PCDH11X: variants seen among roughly 807,000 people sequenced by gnomAD.
PCDH11X encodes the protein protocadherin-11 X-linked.
PCDH11X carries 18 observed loss-of-function variants against 53.3 expected under a neutral mutation model. The ratio of observed to expected loss-of-function variants is 0.34; its 90% CI spans 0.23 to 0.50. The LOEUF is 0.50. Ranked by LOEUF, PCDH11X falls within the 20% of genes least tolerant of loss-of-function variation. PCDH11X has a pLI of 0.98. For synonymous variants in PCDH11X, 279 were observed against 393.3 expected (o/e 0.71, Z 3.44); for missense variants, 570 against 1,032.4 (o/e 0.55, Z 6.14).
intron 8 of PCDH11X, among the ~76,000 whole-genome samples, chrX:92,341,673 A>AATAGGATGGT (rs2069763158): frequency 9.0e-6 from 1 of 111,173 alleles, no homozygotes; most frequent in African/African-American, 3.3e-5. Flanking sequence ...TTGCAAGGAC[A>AATAGGATGGT]ACACCAATAG....
chrX:92,107,544 C>G (rs933150869), intron 6 of PCDH11X, among the ~76,000 whole-genome samples: 2 of 111,647 alleles, frequency 1.8e-5, no homozygotes, highest in Non-Finnish European at 3.8e-5. Context: ...CTAGACCAGC[C>G]TGACCAACAT....
At position 92,581,369 on chromosome X, in the gene PCDH11X, A is replaced by G. The variant is rs180890377; in HGVS notation, c.3368-36895A>G. 1.6e-4 allele frequency among the ~76,000 whole-genome samples: 18 copies of G among 111,461 alleles called. No individual in the cohort carries two copies. The East Asian group carries it at 4.9e-3, about 30-fold the overall frequency. ...ACATGTTGTAGGAGTGACCCAGTGT[A>G]GGATAATTGAGTAACGGGGATAGCT... On this transcript the variant is annotated intron_variant, in intron 10 of 10. Coordinates refer to ENST00000682573, the MANE Select transcript of PCDH11X (RefSeq NM_032968.5).
Position 91,928,207 on chromosome X carries a change from C to T in PCDH11X, c.3033+48934C>T, listed in dbSNP as rs1045958353. Among the ~76,000 whole-genome samples, 32 of 107,856 alleles carry T rather than the reference C, an allele frequency of 3.0e-4. No homozygotes were observed. The Admixed American group carries it at 3.0e-3, about 10-fold the overall frequency. 93.7% of individuals were successfully genotyped at this position (107,856 alleles called of 115,157 possible). On this transcript the variant is annotated intron_variant, in intron 6 of 10. Transcript: ENST00000682573. ...CTCTCACTATGTATATAAAAAAGAC[C>T]AAGCTACTTATTTTGGGGTTTTGTA...
intron 10 of PCDH11X, among the ~76,000 whole-genome samples, chrX:92,586,708 A>AT (rs751881772): frequency 9.1e-6 from 1 of 109,363 alleles, no homozygotes; most frequent in Non-Finnish European, 1.9e-5. Flanking sequence ...ATCTTATGGT[A>AT]TTTTTTCCTA....
chrX:92,409,278 A>T (rs1462323140), intron 9 of PCDH11X, among the ~76,000 whole-genome samples: 1 of 111,786 alleles, frequency 8.9e-6, no homozygotes, highest in African/African-American at 3.3e-5. Context: ...ATGTTGTCAT[A>T]GTTCAGCAGA....
At chrX:92,239,180 A>G (rs1377080870) in intron 7 of PCDH11X, among the ~76,000 whole-genome samples, 1 of 111,782 alleles carries the variant, frequency 8.9e-6, no homozygotes, top group Non-Finnish European at 1.9e-5. Context: ...CTCAAGAAGC[A>G]AGAAGATGAA....
intron 8 of PCDH11X, among the ~76,000 whole-genome samples, chrX:92,294,694 A>T (rs994400575): frequency 8.1e-5 from 9 of 111,099 alleles, no homozygotes; most frequent in African/African-American, 2.9e-4. Context: ...TTCATAAATG[A>T]TTGTCCTGGA....
At chrX:92,269,512 C>G (rs1288627348) in intron 8 of PCDH11X, among the ~76,000 whole-genome samples, 1 of 110,951 alleles carries the variant, frequency 9.0e-6, no homozygotes, top group Non-Finnish European at 1.9e-5. Flanking sequence ...AATTTCCAGC[C>G]CTGAATTACC....
intron 8 of PCDH11X, among the ~76,000 whole-genome samples, chrX:92,380,778 A>G (rs2070858230): frequency 9.1e-6 from 1 of 109,869 alleles, no homozygotes; most frequent in Admixed American, 9.8e-5. Context: ...TAAGAAGTAT[A>G]TTTTTATACC....
intron 1 of PCDH11X, among the ~76,000 whole-genome samples, chrX:91,804,241 A>AT (rs1459519939): frequency 9.0e-6 from 1 of 111,540 alleles, no homozygotes; most frequent in East Asian, 2.8e-4. Context: ...TTTAATGGAA[A>AT]TTTTTTTTGG....
intron 6 of PCDH11X, among the ~76,000 whole-genome samples, chrX:91,886,396 G>C (rs1333099078): frequency 9.1e-6 from 1 of 110,415 alleles, no homozygotes; most frequent in Non-Finnish European, 1.9e-5. Flanking sequence ...ACAGTGTACT[G>C]TATACTTTCT....
rs181187321 is a variant in PCDH11X at position 92,269,488 on chromosome X, C to T, written c.3144+6345C>T. ...CTTTCCAAAGCTTTTCAACTATTTT[C>T]GAATTTCTTTCACAATTTCCAGCCC... On this transcript the variant is annotated intron_variant, in intron 8 of 10. Coordinates refer to ENST00000682573, the MANE Select transcript of PCDH11X (RefSeq NM_032968.5). Among the ~76,000 whole-genome samples the T allele has an allele frequency of 6.9e-4, 77 of 111,338 alleles. 1 individual carries two copies. The highest frequency in any genetic ancestry group is 9.3e-3 in the Middle Eastern group (2 of 216).
chrX:91,980,842 GAAAT>G (rs976240409), intron 6 of PCDH11X, among the ~76,000 whole-genome samples: 2 of 107,635 alleles, frequency 1.9e-5, no homozygotes, highest in African/African-American at 6.7e-5. Flanking sequence ...TAAAAAGAAA[GAAAT>G]GAATAGCAGT....
chrX:92,573,369 G>GA (rs1253598687), intron 10 of PCDH11X, among the ~76,000 whole-genome samples: 1 of 111,240 alleles, frequency 9.0e-6, no homozygotes, highest in Non-Finnish European at 1.9e-5. Context: ...AAGTAAAATA[G>GA]AAAAAATAAA....
chrX:92,289,807 A>C (rs2068456230), intron 8 of PCDH11X, among the ~76,000 whole-genome samples: 1 of 110,806 alleles, frequency 9.0e-6, no homozygotes, highest in Non-Finnish European at 1.9e-5. Context: ...TTGTTCTTTT[A>C]AATAACTAAT....
chrX:92,185,942 CA>C (rs761441424), intron 6 of PCDH11X, among the ~76,000 whole-genome samples: 13 of 111,182 alleles, frequency 1.2e-4, no homozygotes, highest in African/African-American at 3.9e-4. Context: ...TTATGGAAAA[CA>C]GTTTGGAGGT....
intron 6 of PCDH11X, among the ~76,000 whole-genome samples, chrX:92,046,327 T>G (rs2063288394): frequency 8.9e-6 from 1 of 111,761 alleles, no homozygotes; most frequent in Non-Finnish European, 1.9e-5. Context: ...TTATTTCTCA[T>G]CAGACCTTTC....
intron 6 of PCDH11X, among the ~76,000 whole-genome samples, chrX:91,893,991 C>A (rs1303922968): frequency 9.0e-6 from 1 of 111,392 alleles, no homozygotes; most frequent in Non-Finnish European, 1.9e-5. Flanking sequence ...AAAAGTCTTT[C>A]TAAATTATAT....
Position 92,028,831 on chromosome X carries a change from T to C in PCDH11X, c.3033+149558T>C, listed in dbSNP as rs187563602. Among the ~76,000 whole-genome samples the C allele has an allele frequency of 4.8e-3, 531 of 111,265 alleles. 1 individual carries two copies. The highest frequency in any genetic ancestry group is 0.017 in the African/African-American group (512 of 30,617). On this transcript the variant is annotated intron_variant, in intron 6 of 10. Coordinates refer to ENST00000682573, the MANE Select transcript of PCDH11X (RefSeq NM_032968.5). ...CTCTAGGACTCACCAGGTATAAACA[T>C]TGGTACAAAGGAGGCCAAAAACACA...
Sources: allele counts gnomAD v4.1 joint callset (sites outside exome capture counted in the v4.1 genomes callset), GRCh38; gene constraint gnomAD v4.1.1; transcripts MANE v1.5; gene names NCBI Gene and HGNC (gene_info 2026-07-23, HGNC 2026-07-21).